The following NAV1 variants were observed in gnomAD, a reference collection of about 807,000 sequenced individuals.
NAV1 encodes neuron navigator 1, also known as pore membrane and/or filament interacting like protein 3.
A neutral mutation model predicts 175.2 loss-of-function variants in NAV1; 18 were observed. The observed-to-expected ratio is 0.10, with a 90% confidence interval of 0.07 to 0.15. The LOEUF (loss-of-function observed/expected upper bound fraction) is 0.15. NAV1 is among the 10% of genes least tolerant of loss of function. The probability of loss-of-function intolerance (pLI) is 1.00; values close to 1 mark genes in which losing one functional copy is unlikely to be tolerated. For missense variants in NAV1, 1,731 were observed against 2,436.6 expected (o/e 0.71, Z 6.10); for synonymous variants, 897 against 978.7 (o/e 0.92, Z 1.56).
chr1:201,781,614 C>T (rs1403388660), intron 5 of NAV1, among the ~76,000 whole-genome samples: 1 of 152,198 alleles, frequency 6.6e-6, no homozygotes, highest in African/African-American at 2.4e-5. Flanking sequence ...CTTCCAAACA[C>T]TTCCAATGCT....
At chr1:201,729,722 C>T (rs927924312) in intron 3 of NAV1, among the ~76,000 whole-genome samples, 3 of 151,574 alleles carry the variant, frequency 2.0e-5, no homozygotes, top group Admixed American at 6.6e-5. Flanking sequence ...CTGGCTAACA[C>T]GGTGAAACCC....
At chr1:201,559,228 C>T (rs955397613) in intron 1 of NAV1, among the ~76,000 whole-genome samples, 27 of 152,204 alleles carry the variant, frequency 1.8e-4, no homozygotes, top group South Asian at 4.2e-4. Context: ...ATGGTCCTTA[C>T]GGGCCTGCCG....
intron 3 of NAV1, among the ~76,000 whole-genome samples, chr1:201,747,461 C>T (rs535300604): frequency 6.6e-6 from 1 of 152,160 alleles, no homozygotes; most frequent in African/African-American, 2.4e-5. Flanking sequence ...GGCTCAAAGG[C>T]CCTGAAGGAG....
exon 5 of NAV1, chr1:201,781,095 A>C (rs1676297250): frequency 4.3e-6 from 7 of 1,614,172 alleles, no homozygotes; most frequent in Non-Finnish European, 5.9e-6. Flanking sequence ...CCCCTAAAAA[A>C]CTGGAGTACG....
chr1:201,571,066 C>T (rs1032532895), intron 1 of NAV1, among the ~76,000 whole-genome samples: 2 of 152,246 alleles, frequency 1.3e-5, no homozygotes, highest in Admixed American at 1.3e-4. Context: ...ATCAGCCCCG[C>T]CAGGTCTGGT....
At chr1:201,543,203 T>C (rs754631224) in intron 1 of NAV1, among the ~76,000 whole-genome samples, 1 of 152,248 alleles carries the variant, frequency 6.6e-6, no homozygotes, top group Non-Finnish European at 1.5e-5. Flanking sequence ...TCTCTTGTTC[T>C]TGATCTTAGG....
At chr1:201,756,809 CTTCTTTCTTTCTTTCT>C (rs534285799) in intron 3 of NAV1, among the ~76,000 whole-genome samples, 377 of 26,958 alleles carry the variant, frequency 0.014, 2 homozygotes, top group East Asian at 0.043. Flanking sequence ...TCTTTCTTTC[CTTCTTTCTTTCTTTCT>C]TTCTTTCTTT....
At chr1:201,660,332 T>C (rs529529832) in intron 1 of NAV1, among the ~76,000 whole-genome samples, 76 of 152,184 alleles carry the variant, frequency 5.0e-4, no homozygotes, top group African/African-American at 1.8e-3. Context: ...GCCTGCCCAG[T>C]GGGGTTTGCT....
At chr1:201,596,468 A>T (rs538215584) in intron 2 of NAV1, among the ~76,000 whole-genome samples, 1 of 152,244 alleles carries the variant, frequency 6.6e-6, no homozygotes, top group East Asian at 1.9e-4. Flanking sequence ...CTCATGTGAA[A>T]GAACCACAGC....
chr1:201,622,003 A>T (rs1019989969), upstream of NAV1, among the ~76,000 whole-genome samples: 3 of 152,228 alleles, frequency 2.0e-5, no homozygotes, highest in Admixed American at 2.0e-4. Flanking sequence ...AGAGAAGGGG[A>T]TAATTAATGA....
At chr1:201,732,397 T>C (rs1672900606) in intron 3 of NAV1, among the ~76,000 whole-genome samples, 1 of 152,166 alleles carries the variant, frequency 6.6e-6, no homozygotes, top group Non-Finnish European at 1.5e-5. Flanking sequence ...CAGGCGGGTC[T>C]CAAACTCCTG....
intron 2 of NAV1, among the ~76,000 whole-genome samples, chr1:201,714,682 C>A (rs1379214924): frequency 6.6e-6 from 1 of 152,210 alleles, no homozygotes; most frequent in Non-Finnish European, 1.5e-5. Context: ...TCTTGGACAT[C>A]TGCCTTCCCC....
chr1:201,649,330 A>G (rs1571862765), exon 1 of NAV1: 1 of 1,612,126 alleles, frequency 6.2e-7, no homozygotes. Context: ...CCCTCTGCCA[A>G]GGGCCAGGAG....
chr1:201,637,478 G>A (rs1264222205), intron 2 of NAV1, among the ~76,000 whole-genome samples: 1 of 152,182 alleles, frequency 6.6e-6, no homozygotes, highest in African/African-American at 2.4e-5. Context: ...TCATCACTGT[G>A]TTGACAAGGT....
chr1:201,622,032 C>G (rs1407466957), upstream of NAV1, among the ~76,000 whole-genome samples: 1 of 152,038 alleles, frequency 6.6e-6, no homozygotes, highest in Non-Finnish European at 1.5e-5. Context: ...CTGGAAGAGA[C>G]AAGATCAAGT....
At chr1:201,602,477 A>G (rs1338276907) in intron 2 of NAV1, among the ~76,000 whole-genome samples, 1 of 152,000 alleles carries the variant, frequency 6.6e-6, no homozygotes, top group Non-Finnish European at 1.5e-5. Context: ...AGTAGCTGAG[A>G]TTACAGGTGT....
At chr1:201,786,892 G>T (rs1257645081) in intron 9 of NAV1, among the ~76,000 whole-genome samples, 1 of 152,188 alleles carries the variant, frequency 6.6e-6, no homozygotes, top group Admixed American at 6.5e-5. Flanking sequence ...TTGAACTGCC[G>T]GAAAGGAGCC....
chr1:201,680,003 G>C (rs925290496), intron 1 of NAV1, among the ~76,000 whole-genome samples: 17 of 152,180 alleles, frequency 1.1e-4, no homozygotes. Context: ...ATGTTAGTCT[G>C]TTCTGCATTG....
intron 1 of NAV1, among the ~76,000 whole-genome samples, chr1:201,650,992 G>A (rs1669179884): frequency 6.6e-6 from 1 of 152,110 alleles, no homozygotes; most frequent in Non-Finnish European, 1.5e-5. Context: ...GAGACAATAA[G>A]GGAAAAAATT....
Sources: gnomAD v4.1 joint callset for allele counts (sites outside exome capture counted in the v4.1 genomes callset) on GRCh38, gnomAD v4.1.1 for gene constraint, MANE v1.5 for transcripts, NCBI Gene and HGNC (gene_info 2026-07-23, HGNC 2026-07-21) for gene names.